Variants in ADAMTS2 observed in about 807,000 individuals in gnomAD.
ADAMTS2 encodes the protein A disintegrin and metalloproteinase with thrombospondin motifs 2.
ADAMTS2 carries 50 observed loss-of-function variants against 123.0 expected under a neutral mutation model. That is an observed-to-expected ratio of 0.41 (90% CI 0.32 to 0.51). The LOEUF is 0.51. Ranked by LOEUF, ADAMTS2 falls within the 20% of genes least tolerant of loss-of-function variation. The pLI, the probability that ADAMTS2 is intolerant of heterozygous loss-of-function variation, is 0.35. For missense variants in ADAMTS2, 1,494 were observed against 1,705.2 expected, an observed-to-expected ratio of 0.88 and a Z score of 2.18; for synonymous variants, 678 against 695.4, an observed-to-expected ratio of 0.98 and a Z score of 0.39.
Position 179,262,671 on chromosome 5 carries a change from C to G in ADAMTS2, c.688+10240G>C, listed in dbSNP as rs1766263286. On this transcript the variant is annotated intron_variant, in intron 3 of 21. Transcript: ENST00000251582. This position sits in a 1 kb window ranked among gnomAD's most constrained non-coding sequence, Gnocchi z 5.9. Reference sequence around the variant, plus strand: ...CAGGGCTGGGCTTTCCCATCATCACCAACCTGGGGCGCCTCCCTCCCTTAC... The same window carrying G: ...CAGGGCTGGGCTTTCCCATCATCACGAACCTGGGGCGCCTCCCTCCCTTAC... 6.6e-6 allele frequency among the ~76,000 whole-genome samples: 1 copy of G among 152,214 alleles called. No homozygotes were observed. The highest frequency in any genetic ancestry group is 2.1e-4 in the South Asian group (1 of 4,830).
At chr5:179,271,834 A>G (rs915041500) in intron 3 of ADAMTS2, among the ~76,000 whole-genome samples, 3 of 152,246 alleles carry the variant, frequency 2.0e-5, no homozygotes, top group Non-Finnish European at 4.4e-5. Flanking sequence ...CAAGCTAGGA[A>G]GTCAGACAGA....
intron 3 of ADAMTS2, among the ~76,000 whole-genome samples, chr5:179,211,156 C>T (rs144966551): frequency 6.6e-6 from 1 of 152,248 alleles, no homozygotes; most frequent in Non-Finnish European, 1.5e-5. Flanking sequence ...TTGCTGCTCT[C>T]CCCTCCTCCC....
intron 2 of ADAMTS2, among the ~76,000 whole-genome samples, chr5:179,290,932 A>AG (rs1756167330): frequency 6.6e-6 from 1 of 152,152 alleles, no homozygotes; most frequent in African/African-American, 2.4e-5. Context: ...CCTATGCCTG[A>AG]GCCACCCTGT....
At chr5:179,299,331 C>T (rs1266885217) in intron 2 of ADAMTS2, among the ~76,000 whole-genome samples, 2 of 70,756 alleles carry the variant, frequency 2.8e-5, no homozygotes, top group East Asian at 3.8e-4. Flanking sequence ...AGATGGAGAC[C>T]ATCCTGGCTA....
rs1158263239 is a variant in ADAMTS2 at position 179,242,370 on chromosome 5, A to G, written c.688+30541T>C. On this transcript the variant is annotated intron_variant, in intron 3 of 21. Coordinates refer to ENST00000251582, the MANE Select transcript of ADAMTS2 (RefSeq NM_014244.5). This position sits in a 1 kb window ranked among gnomAD's most constrained non-coding sequence, Gnocchi z 4.2. ...GACCCTGACATATCCAGTGTCTTCT[A>G]CCTTCCTTATTGCTGTGGCCCTTTA... is the stretch of plus-strand genomic sequence containing the variant. Among the ~76,000 whole-genome samples, 1 of 152,096 alleles carries G rather than the reference A, an allele frequency of 6.6e-6. No homozygotes were observed. The highest frequency in any genetic ancestry group is 1.5e-5 in the Non-Finnish European group (1 of 68,020).
At chr5:179,173,249 A>T (rs1295413783) in intron 5 of ADAMTS2, among the ~76,000 whole-genome samples, 3 of 139,648 alleles carry the variant, frequency 2.1e-5, no homozygotes, top group Non-Finnish European at 4.5e-5. Flanking sequence ...ATAATAATAA[A>T]AACCATGCTC....
chr5:179,326,036 C>T (rs72648842), intron 2 of ADAMTS2, among the ~76,000 whole-genome samples: 25,700 of 152,230 alleles, frequency 0.17, 3,017 homozygotes, highest in East Asian at 0.49. Context: ...ACAAAGGCTG[C>T]CTCTCCGTCC....
intron 2 of ADAMTS2, among the ~76,000 whole-genome samples, chr5:179,334,832 A>G (rs1391254395): frequency 1.3e-5 from 2 of 152,174 alleles, no homozygotes; most frequent in Non-Finnish European, 2.9e-5. Context: ...TGGCAAAAAG[A>G]AAAAAAATCC....
intron 6 of ADAMTS2, among the ~76,000 whole-genome samples, chr5:179,157,407 T>A (rs545026941): frequency 1.2e-4 from 19 of 152,386 alleles, no homozygotes; most frequent in African/African-American, 4.6e-4. Flanking sequence ...CTGGCTGCGC[T>A]GTGTTTGAGG....
At position 179,234,746 on chromosome 5, in the gene ADAMTS2, G is replaced by C. The variant is rs890839777; in HGVS notation, c.689-27031C>G. The stretch of plus-strand genomic sequence containing the variant: ...CATCTCCCCGTCCATGATGAGCTCA[G>C]CCCCTCCCTCTACCTGGATGCAGCA... On this transcript the variant is annotated intron_variant, in intron 3 of 21. Transcript: ENST00000251582. The surrounding 1 kb of genome is among the most constrained non-coding windows in gnomAD (Gnocchi z 4.7). Among the ~76,000 whole-genome samples the C allele has an allele frequency of 2.6e-4, 40 of 152,236 alleles. No individual in the cohort carries two copies. Among genetic ancestry groups the C allele is most frequent in the African/African-American group, 7.9e-4 (33 of 41,540 alleles).
intron 2 of ADAMTS2, among the ~76,000 whole-genome samples, chr5:179,326,872 A>AGAGGGAGAGG (rs1462448987): frequency 6.6e-6 from 1 of 151,998 alleles, no homozygotes; most frequent in Non-Finnish European, 1.5e-5. Flanking sequence ...AAGGAGAGGG[A>AGAGGGAGAGG]GAGGGAGAGG....
At position 179,132,877 on chromosome 5, in the gene ADAMTS2, G is replaced by C. The variant is rs200210415; in HGVS notation, c.2109C>G (p.Ile703Met). The change falls in exon 14 of 22, where the codon ATC becomes ATG. Residue 703 changes from isoleucine to methionine, a missense_variant. Transcript: ENST00000251582. This position sits in a 1 kb window ranked among gnomAD's most constrained non-coding sequence, Gnocchi z 6.1. The part of the protein sequence containing the change: ...DCRKVGCDGV[I>M]GSSKQEDKCG... ...ACTTGTCTTCCTGCTTGCTGGAGCC[G>C]ATCACACCGTCACAGCCCACCTTCT... The C allele has an allele frequency of 2.5e-6, 4 of 1,613,702 alleles. No individual in the cohort carries two copies. Among genetic ancestry groups the C allele is most frequent in the African/African-American group, 2.7e-5 (2 of 74,886 alleles).
chr5:179,159,031 C>T, intron 5 of ADAMTS2, 152 bp from the exon 6 acceptor site: 1 of 1,007,036 alleles, frequency 9.9e-7, no homozygotes, highest in Non-Finnish European at 1.4e-6. Context: ...AGGACCTGCT[C>T]CCACTGGGCT....
At chr5:179,125,713 C>T (rs891223326) in intron 18 of ADAMTS2, among the ~76,000 whole-genome samples, 2 of 152,372 alleles carry the variant, frequency 1.3e-5, no homozygotes, top group Admixed American at 1.3e-4. Context: ...ACATCTACCC[C>T]GTGGTACAGG....
intron 3 of ADAMTS2, among the ~76,000 whole-genome samples, chr5:179,218,738 C>G (rs1292317589): frequency 2.0e-5 from 3 of 152,198 alleles, no homozygotes; most frequent in African/African-American, 7.2e-5. Context: ...CTCTAAACTC[C>G]CACGGGATGG....
chr5:179,199,171 C>T (rs142058225), intron 4 of ADAMTS2, among the ~76,000 whole-genome samples: 52 of 152,346 alleles, frequency 3.4e-4, no homozygotes, highest in African/African-American at 1.2e-3. Context: ...GACCTTGGGG[C>T]TTGACCCTCT....
chr5:179,343,860 G>T lies in ADAMTS2; in HGVS notation c.441C>A (p.Arg147=). ...GACAGCTCCCGAGCAGGGGCTCCACGCGGGTGGTGCCCTTCTCGCCCTGCC... is the reference window on the plus strand; with the variant it reads ...GACAGCTCCCGAGCAGGGGCTCCACTCGGGTGGTGCCCTTCTCGCCCTGCC... ...MEWQGEKGTT[R]VEPLLGSCLY... The change falls in exon 2 of 22, where the codon CGC becomes CGA. Residue 147 remains arginine (R), a synonymous_variant. Transcript: ENST00000251582. 6.3e-7 allele frequency: 1 copy of T among 1,597,002 alleles called. No individual in the cohort carries two copies. Among genetic ancestry groups the T allele is most frequent in the Non-Finnish European group, 8.5e-7 (1 of 1,173,604 alleles).
chr5:179,148,610 G>A (rs990334612), intron 10 of ADAMTS2, among the ~76,000 whole-genome samples: 5 of 152,254 alleles, frequency 3.3e-5, no homozygotes, highest in Admixed American at 1.3e-4. Flanking sequence ...GTCATTGCTG[G>A]GGAGCCGTCC....
chr5:179,304,046 G>A (rs1756603844), intron 2 of ADAMTS2, among the ~76,000 whole-genome samples: 2 of 152,184 alleles, frequency 1.3e-5, no homozygotes, highest in African/African-American at 2.4e-5. Context: ...GACTTAGGAG[G>A]TGGACCAATG....
Sources: allele counts gnomAD v4.1 joint callset (sites outside exome capture counted in the v4.1 genomes callset), GRCh38; gene constraint gnomAD v4.1.1; non-coding constraint Gnocchi (gnomAD v3.1); transcripts MANE v1.5; gene names NCBI Gene and HGNC (gene_info 2026-07-23, HGNC 2026-07-21).